ARFIP1: variants seen among roughly 807,000 people sequenced by gnomAD.
ARFIP1 encodes the protein ARF interacting protein 1.
ARFIP1 carries 24 observed loss-of-function variants against 42.5 expected under a neutral mutation model. The ratio of observed to expected loss-of-function variants is 0.57; its 90% CI spans 0.41 to 0.80. The LOEUF (loss-of-function observed/expected upper bound fraction) is 0.80. Among genes scored for constraint, ARFIP1 ranks in the 30% least tolerant of loss-of-function variants. The probability of loss-of-function intolerance (pLI) is 0.00; values close to 1 mark genes in which losing one functional copy is unlikely to be tolerated. For synonymous variants in ARFIP1, 141 were observed against 153.7 expected (o/e 0.92, Z 0.61); for missense variants, 354 against 434.0 (o/e 0.82, Z 1.64).
At chr4:152,852,832 C>T (rs1733107720) in intron 2 of ARFIP1, among the ~76,000 whole-genome samples, 1 of 152,218 alleles carries the variant, frequency 6.6e-6, no homozygotes, top group Non-Finnish European at 1.5e-5. Flanking sequence ...TGCCAAACCA[C>T]ATCAGAATGA....
intron 1 of ARFIP1, among the ~76,000 whole-genome samples, chr4:152,812,145 A>G (rs569410667): frequency 6.6e-6 from 1 of 152,250 alleles, no homozygotes; most frequent in East Asian, 1.9e-4. Flanking sequence ...CTGCATCATG[A>G]ACCATTTACT....
intron 3 of ARFIP1, among the ~76,000 whole-genome samples, chr4:152,865,220 C>T (rs1202662315): frequency 6.6e-6 from 1 of 151,982 alleles, no homozygotes; most frequent in African/African-American, 2.4e-5. Context: ...TCACTGCAAC[C>T]TCTGCCCCCG....
chr4:152,889,423 G>A (rs568390005), intron 8 of ARFIP1, among the ~76,000 whole-genome samples: 3 of 144,764 alleles, frequency 2.1e-5, no homozygotes, highest in Admixed American at 7.1e-5. Context: ...AAATTGCCTG[G>A]CATCATTCAG....
chr4:152,876,626 TA>T (rs1735356821), intron 5 of ARFIP1, among the ~76,000 whole-genome samples: 1 of 152,200 alleles, frequency 6.6e-6, no homozygotes, highest in Non-Finnish European at 1.5e-5. Flanking sequence ...GAAATTTGCA[TA>T]AGTAGCAAGG....
At chr4:152,873,600 C>T (rs559736697) in intron 5 of ARFIP1, among the ~76,000 whole-genome samples, 2 of 152,186 alleles carry the variant, frequency 1.3e-5, no homozygotes, top group Non-Finnish European at 2.9e-5. Flanking sequence ...ATTGCATCTT[C>T]TTGCTGATTC....
chr4:152,791,392 AG>A (rs1731139199), intron 1 of ARFIP1, among the ~76,000 whole-genome samples: 1 of 152,204 alleles, frequency 6.6e-6, no homozygotes, highest in African/African-American at 2.4e-5. Flanking sequence ...CTGAACATAT[AG>A]TTTTAAAATG....
chr4:152,888,302 A>C lies in ARFIP1; in HGVS notation c.961A>C (p.Asn321His). Residue 321 changes from asparagine (N) to histidine (H), a missense_variant, in exon 8 of 9, where the codon AAT (asparagine) becomes CAT (histidine). By Grantham distance (68) the Asn-to-His change is moderately conservative (BLOSUM62 1). Transcript: ENST00000353617. ...VSVKLKFLEE[N>H]KVKVLHNQLV... Reference sequence around the variant, plus strand: ...TGTCAAATTGAAATTTCTAGAAGAAAATAAGGTAAATTCTTTACCTTCTAA... The same window carrying C: ...TGTCAAATTGAAATTTCTAGAAGAACATAAGGTAAATTCTTTACCTTCTAA... The C allele has an allele frequency of 6.3e-7, 1 of 1,597,346 alleles. No individual in the cohort carries two copies. Among genetic ancestry groups the C allele is most frequent in the Non-Finnish European group, 8.5e-7 (1 of 1,170,674 alleles).
intron 3 of ARFIP1, 43 bp downstream of exon 3, chr4:152,863,757 G>A (rs1193437776): frequency 7.5e-7 from 1 of 1,329,568 alleles, no homozygotes; most frequent in Non-Finnish European, 1.1e-6. Context: ...GATAGAGGAT[G>A]GGAGAAGTTC....
At chr4:152,844,103 G>A (rs1006127837) in intron 2 of ARFIP1, among the ~76,000 whole-genome samples, 1 of 152,166 alleles carries the variant, frequency 6.6e-6, no homozygotes, top group African/African-American at 2.4e-5. Context: ...CTGCTGCTTC[G>A]TGTACCACTG....
intron 2 of ARFIP1, among the ~76,000 whole-genome samples, chr4:152,837,951 G>A (rs935691820): frequency 1.3e-5 from 2 of 152,172 alleles, no homozygotes; most frequent in Admixed American, 6.5e-5. Context: ...GTTGATTTTT[G>A]TATAAGGTGA....
chr4:152,891,560 T>G (rs1736852434), intron 8 of ARFIP1, among the ~76,000 whole-genome samples: 1 of 152,194 alleles, frequency 6.6e-6, no homozygotes, highest in Admixed American at 6.5e-5. Context: ...GGAACTGTCA[T>G]CCCTGTTTGC....
chr4:152,893,531 A>G (rs976808866), intron 8 of ARFIP1, among the ~76,000 whole-genome samples: 10 of 152,184 alleles, frequency 6.6e-5, no homozygotes, highest in African/African-American at 2.4e-4. Context: ...CTCAAGGGCA[A>G]TGAATATATT....
At chr4:152,903,733 G>T (rs1358276781) in intron 8 of ARFIP1, among the ~76,000 whole-genome samples, 1 of 152,062 alleles carries the variant, frequency 6.6e-6, no homozygotes, top group Non-Finnish European at 1.5e-5. Flanking sequence ...ATTGTGGGGT[G>T]GGGGGCCAGT....
intron 1 of ARFIP1, among the ~76,000 whole-genome samples, chr4:152,803,998 TATA>T (rs1728636562): frequency 7.4e-6 from 1 of 136,024 alleles, no homozygotes; most frequent in South Asian, 2.2e-4. Flanking sequence ...ATATATATAA[TATA>T]ACATGTAATA....
chr4:152,879,742 G>A (rs1259899814), intron 5 of ARFIP1, among the ~76,000 whole-genome samples: 6 of 152,044 alleles, frequency 3.9e-5, no homozygotes, highest in South Asian at 2.1e-4. Flanking sequence ...CCAGCTACTC[G>A]GGAGGCTGAG....
At chr4:152,881,797 C>A (rs956255769) in intron 6 of ARFIP1, among the ~76,000 whole-genome samples, 1 of 152,076 alleles carries the variant, frequency 6.6e-6, no homozygotes, top group African/African-American at 2.4e-5. Flanking sequence ...ATTTTACTTT[C>A]CTGCTATTTT....
At chr4:152,789,430 A>G (rs971347998) in intron 1 of ARFIP1, among the ~76,000 whole-genome samples, 5 of 151,990 alleles carry the variant, frequency 3.3e-5, no homozygotes, top group Admixed American at 6.6e-5. Flanking sequence ...ATTGATATTA[A>G]CCTTGACTAC....
chr4:152,882,585 A>G (rs1053746588), intron 6 of ARFIP1, 138 bp from the exon 7 acceptor site: 6 of 914,770 alleles, frequency 6.6e-6, no homozygotes, highest in Admixed American at 3.2e-5. Context: ...ATTCTTAAAG[A>G]CGGAAAGGAA....
At chr4:152,878,687 A>G (rs1735571224) in intron 5 of ARFIP1, among the ~76,000 whole-genome samples, 3 of 152,172 alleles carry the variant, frequency 2.0e-5, no homozygotes, top group Non-Finnish European at 2.9e-5. Context: ...GAAACAAAAA[A>G]CATTTCCTCA....
Sources: allele counts gnomAD v4.1 joint callset (sites outside exome capture counted in the v4.1 genomes callset), GRCh38; gene constraint gnomAD v4.1.1; transcripts MANE v1.5; gene names NCBI Gene and HGNC (gene_info 2026-07-23, HGNC 2026-07-21).